Variants in NRXN1 observed in about 807,000 individuals in gnomAD.
NRXN1 encodes neurexin 1, also known as neurexin-1.
Under a neutral mutation model 150.9 loss-of-function variants are expected in NRXN1, and 39 were observed. That is an observed-to-expected ratio of 0.26 (90% CI 0.20 to 0.34). NRXN1 has a LOEUF of 0.34. NRXN1 is among the 10% of genes least tolerant of loss of function. NRXN1 has a pLI of 1.00. For missense variants in NRXN1, 1,815 were observed against 1,949.9 expected (o/e 0.93, Z 1.30); for synonymous variants, 924 against 757.0 (o/e 1.22, Z -3.62).
intron 15 of NRXN1, among the ~76,000 whole-genome samples, chr2:50,477,846 T>A (rs2090114863): frequency 1.3e-5 from 2 of 152,152 alleles, no homozygotes; most frequent in Admixed American, 6.5e-5. Context: ...CTAGAGAAAG[T>A]GCAATTCTAG....
intron 18 of NRXN1, among the ~76,000 whole-genome samples, chr2:50,132,338 C>T (rs1025589028): frequency 5.1e-5 from 7 of 138,562 alleles, no homozygotes; most frequent in African/African-American, 1.3e-4. Context: ...TGGAGTCTTG[C>T]TCTGTCGCCC....
chr2:50,203,521 T>C (rs1016720841), intron 18 of NRXN1, among the ~76,000 whole-genome samples: 1 of 152,194 alleles, frequency 6.6e-6, no homozygotes, highest in Admixed American at 6.6e-5. Context: ...AACAGGTTAA[T>C]GCTTGCCTTG....
chr2:49,926,568 G>A (rs549819076), intron 22 of NRXN1, among the ~76,000 whole-genome samples: 31 of 152,010 alleles, frequency 2.0e-4, no homozygotes, highest in Non-Finnish European at 3.7e-4. Flanking sequence ...ATTCATTGTG[G>A]AAAATGAACA....
chr2:50,983,181 C>A (rs1697119288), intron 2 of NRXN1, among the ~76,000 whole-genome samples: 1 of 151,854 alleles, frequency 6.6e-6, no homozygotes, highest in Non-Finnish European at 1.5e-5. Flanking sequence ...CCACTTTTTG[C>A]CATTTATTTA....
intron 5 of NRXN1, among the ~76,000 whole-genome samples, chr2:50,679,574 T>C (rs1339302824): frequency 6.6e-6 from 1 of 152,144 alleles, no homozygotes; most frequent in African/African-American, 2.4e-5. Context: ...CTGTGATTAC[T>C]CACTATTGAC....
intron 8 of NRXN1, among the ~76,000 whole-genome samples, chr2:50,600,021 G>A (rs891575768): frequency 2.7e-4 from 41 of 152,012 alleles, no homozygotes; most frequent in African/African-American, 9.7e-4. Flanking sequence ...ACTACCCAGA[G>A]TTCTAGATAA....
Position 50,348,114 on chromosome 2 carries a change from C to A in NRXN1, c.3365-111144G>T, listed in dbSNP as rs150643144. On this transcript the variant is annotated intron_variant, in intron 17 of 22. Transcript: ENST00000401669. ...GAGAATTCGGGTCTTTTTATTGGAC[C>A]AAACTTGTTCTACCAGGTGTTTAAA... Among the ~76,000 whole-genome samples, 605 of 152,188 alleles carry A rather than the reference C, an allele frequency of 4.0e-3. 1 individual carries two copies. The highest frequency in any genetic ancestry group is 5.9e-3 in the Non-Finnish European group (401 of 68,010).
intron 17 of NRXN1, among the ~76,000 whole-genome samples, chr2:50,423,318 C>A (rs1244300318): frequency 1.3e-5 from 2 of 151,980 alleles, no homozygotes; most frequent in African/African-American, 4.8e-5. Context: ...TGATTGGATC[C>A]CCTCCTATCC....
At chr2:49,937,349 C>T (rs1322731728) in intron 22 of NRXN1, among the ~76,000 whole-genome samples, 1 of 152,126 alleles carries the variant, frequency 6.6e-6, no homozygotes, top group Non-Finnish European at 1.5e-5. Flanking sequence ...GCCCACCTCT[C>T]CTATTGCAAT....
At chr2:50,551,011 G>GGAAGAGGAAGAGGAAGAGGAA (rs1667392336) in intron 9 of NRXN1, among the ~76,000 whole-genome samples, 1 of 119,128 alleles carries the variant, frequency 8.4e-6, no homozygotes, top group Non-Finnish European at 1.8e-5. Flanking sequence ...AAGAAGAGGA[G>GGAAGAGGAAGAGGAAGAGGAA]GAGGAAGAGG....
intron 18 of NRXN1, among the ~76,000 whole-genome samples, chr2:50,190,604 T>C (rs2061379886): frequency 8.1e-6 from 1 of 123,270 alleles, no homozygotes; most frequent in Non-Finnish European, 1.8e-5. Context: ...ACCTTCTAAC[T>C]TTTTTTTTCT....
At chr2:50,795,205 C>T (rs1706632839) in intron 5 of NRXN1, among the ~76,000 whole-genome samples, 1 of 152,028 alleles carries the variant, frequency 6.6e-6, no homozygotes, top group South Asian at 2.1e-4. Context: ...ATAAGATTTA[C>T]CTGGAGGGTT....
At chr2:50,873,738 C>T (rs1055017025) in intron 5 of NRXN1, among the ~76,000 whole-genome samples, 17 of 151,796 alleles carry the variant, frequency 1.1e-4, no homozygotes, top group Non-Finnish European at 2.2e-4. Flanking sequence ...ATTATTATTT[C>T]AGAAATTCCA....
At position 50,623,358 on chromosome 2, in the gene NRXN1, C is replaced by A; in HGVS notation, c.1090G>T (p.Asp364Tyr). The change falls in exon 6 of 23, where the codon GAT becomes TAT. Residue 364 changes from aspartate to tyrosine, a missense_variant. Physicochemically the swap from Asp to Tyr is radical, Grantham distance 160. Transcript: ENST00000401669. ...ACTTTCACATCATGCCAGGCATTAT[C>A]ATTAAACTTTCCATTCACAGGCTCC... ...LVEPVNGKFN[D>Y]NAWHDVKVTR... The A allele has an allele frequency of 6.2e-7, 1 of 1,613,346 alleles. No homozygotes were observed. Among genetic ancestry groups the A allele is most frequent in the Non-Finnish European group, 8.5e-7 (1 of 1,179,514 alleles).
intron 5 of NRXN1, among the ~76,000 whole-genome samples, chr2:50,669,429 T>G (rs1484248517): frequency 6.6e-6 from 1 of 152,042 alleles, no homozygotes; most frequent in African/African-American, 2.4e-5. Flanking sequence ...AGAAACTATC[T>G]TTTTGTATAA....
chr2:50,613,999 G>A (rs1390736955), intron 8 of NRXN1, among the ~76,000 whole-genome samples: 1 of 152,162 alleles, frequency 6.6e-6, no homozygotes, highest in East Asian at 1.9e-4. Context: ...GTAAAAATAT[G>A]TGGATCTGTA....
At chr2:50,849,630 C>T (rs1450685878) in intron 5 of NRXN1, among the ~76,000 whole-genome samples, 1 of 152,184 alleles carries the variant, frequency 6.6e-6, no homozygotes, top group Non-Finnish European at 1.5e-5. Flanking sequence ...TCTCCTCTTG[C>T]AATAGTCTTG....
rs556738249 is a variant in NRXN1, at chr2:50,602,995, A to G, written c.1320+17027T>C. Among the ~76,000 whole-genome samples the G allele has an allele frequency of 1.8e-4, 28 of 152,204 alleles. 1 individual carries two copies. The highest frequency in any genetic ancestry group is 5.9e-4 in the Admixed American group (9 of 15,282). On this transcript the variant is annotated intron_variant, in intron 8 of 22. Transcript: ENST00000401669. Reference sequence around the variant, plus strand: ...AGAGTTTGCAGTCAAAAACTCTCCTAGAAATCATTTCCTAGAGATAATCAT... The same window carrying G: ...AGAGTTTGCAGTCAAAAACTCTCCTGGAAATCATTTCCTAGAGATAATCAT...
chr2:50,649,259 T>TACAC (rs10634117), intron 5 of NRXN1, among the ~76,000 whole-genome samples: 11,384 of 143,170 alleles, frequency 0.08, 574 homozygotes, highest in East Asian at 0.14. Flanking sequence ...CATACACACA[T>TACAC]ACACACACAC....
Sources: gnomAD v4.1 joint callset for allele counts (sites outside exome capture counted in the v4.1 genomes callset) on GRCh38, gnomAD v4.1.1 for gene constraint, MANE v1.5 for transcripts, NCBI Gene and HGNC (gene_info 2026-07-23, HGNC 2026-07-21) for gene names.